The following RBM33 variants were observed in gnomAD, a reference collection of about 807,000 sequenced individuals.
RBM33 encodes the protein RNA binding motif protein 33.
Under a neutral mutation model 132.6 loss-of-function variants are expected in RBM33, and 28 were observed. That is an observed-to-expected ratio of 0.21 (90% CI 0.16 to 0.29). The LOEUF (loss-of-function observed/expected upper bound fraction) is 0.29, where lower values mean the gene tolerates loss of function less well. Ranked by LOEUF, RBM33 falls within the 10% of genes least tolerant of loss-of-function variation. RBM33 has a pLI of 1.00. For missense variants in RBM33, 1,291 were observed against 1,518.5 expected (o/e 0.85, Z 2.49); for synonymous variants, 634 against 593.0 (o/e 1.07, Z -1.01).
At chr7:155,664,224 T>C (rs6459857) in intron 1 of RBM33, among the ~76,000 whole-genome samples, 119,266 of 151,720 alleles carry the variant, frequency 0.79, 47,509 homozygotes, top group African/African-American at 0.91. Context: ...TGAGTACACA[T>C]TATGACTTAT....
intron 3 of RBM33, among the ~76,000 whole-genome samples, chr7:155,673,403 TGTGTGTGTG>T (rs1307980799): frequency 1.4e-3 from 5 of 3,540 alleles, no homozygotes; most frequent in Non-Finnish European, 2.7e-3. Flanking sequence ...TTATATATAT[TGTGTGTGTG>T]TGTGTGTGTG....
Position 155,738,115 on chromosome 7 carries a change from TCCA to T in RBM33, c.1458_1460del (p.Pro489del), listed in dbSNP as rs1801188555. On this transcript the variant is annotated inframe_deletion, in exon 11 of 18. Transcript: ENST00000401878. ...TTTTTCTGGAACAGCGAAGTCCCCC[TCCA>T]CCACCACCGCCTCCTACCCTTCTTA... 6.2e-7 allele frequency: 1 copy of T among 1,613,668 alleles called. No individual in the cohort carries two copies. The highest frequency in any genetic ancestry group is 1.7e-5 in the Admixed American group (1 of 59,982).
intron 4 of RBM33, among the ~76,000 whole-genome samples, chr7:155,679,687 A>C (rs963448779): frequency 1.3e-5 from 2 of 152,256 alleles, no homozygotes; most frequent in Non-Finnish European, 2.9e-5. Flanking sequence ...TTATTCTACC[A>C]GTCAGATAAA....
Position 155,757,427 on chromosome 7 carries a change from G to A in RBM33, c.2980-6385G>A, listed in dbSNP as rs61680007. Among the ~76,000 whole-genome samples, 736 of 152,198 alleles carry A rather than the reference G, an allele frequency of 4.8e-3. 8 individuals are homozygous for A. Among genetic ancestry groups the A allele is most frequent in the African/African-American group, 0.017 (693 of 41,526 alleles). The stretch of plus-strand genomic sequence containing the variant: ...TTTTACTTATGTTCAAGCCTTCATT[G>A]CTTAGCATGATCTTCAGAAAAATTC... On this transcript the variant is annotated intron_variant, in intron 14 of 17. Transcript: ENST00000401878.
chr7:155,685,607 C>G (rs187116405), intron 5 of RBM33, among the ~76,000 whole-genome samples: 2 of 152,212 alleles, frequency 1.3e-5, no homozygotes, highest in Admixed American at 1.3e-4. Flanking sequence ...GGTTCGTGGT[C>G]GACGAGGCTT....
intron 12 of RBM33, among the ~76,000 whole-genome samples, chr7:155,741,196 G>A (rs919330243): frequency 2.0e-5 from 3 of 152,058 alleles, no homozygotes; most frequent in Non-Finnish European, 4.4e-5. Flanking sequence ...TTGACCTGCG[G>A]GACCTCGGAG....
intron 3 of RBM33, among the ~76,000 whole-genome samples, chr7:155,674,561 A>T (rs190669058): frequency 1.3e-5 from 2 of 152,348 alleles, no homozygotes; most frequent in East Asian, 3.9e-4. Context: ...GAAAGCTGTG[A>T]TAATTCCCTT....
chr7:155,665,228 A>G lies in RBM33; in HGVS notation c.97A>G (p.Arg33Gly). Residue 33 changes from arginine to glycine, a missense_variant, in exon 2 of 18, where the codon AGA (arginine) becomes GGA (glycine). Physicochemically the swap from Arg to Gly is moderately radical, Grantham distance 125. Around this residue, in one of 7 missense-constraint regions of RBM33, gnomAD observed 194 missense variants for 249.8 expected, o/e 0.78. Transcript: ENST00000401878. ...TGGCGCGGAACGGTCGTGGAGAAGAAGAGCTGCTGATGAGGACTGGGACAG... is the reference window on the plus strand; with the variant it reads ...TGGCGCGGAACGGTCGTGGAGAAGAGGAGCTGCTGATGAGGACTGGGACAG... ...KPGAERSWRR[R>G]AADEDWDSEL... 1 of 1,613,454 alleles carries G rather than the reference A, an allele frequency of 6.2e-7. No homozygotes were observed. The highest frequency in any genetic ancestry group is 1.1e-5 in the South Asian group (1 of 91,080).
chr7:155,763,781 G>A (rs1326966674), intron 14 of RBM33, 31 bp from the exon 15 acceptor site: 2 of 1,586,558 alleles, frequency 1.3e-6, no homozygotes, highest in South Asian at 1.2e-5. Flanking sequence ...AGCAGACACT[G>A]AACAACGTGC....
At chr7:155,669,645 C>T (rs1798893386) in intron 2 of RBM33, among the ~76,000 whole-genome samples, 1 of 152,180 alleles carries the variant, frequency 6.6e-6, no homozygotes. Context: ...AATCATCATG[C>T]CTGGCCCAAA....
rs768821327 is a variant in RBM33, at chr7:155,764,012, G to A, written c.3180G>A (p.Ala1060=). 1.5e-5 allele frequency: 23 copies of A among 1,542,122 alleles called. No individual in the cohort carries two copies. In the South Asian group the frequency reaches 2.0e-4, roughly 13 times the overall value. The change falls in exon 15 of 18, where the codon GCG becomes GCA. Residue 1060 remains alanine, a synonymous_variant. Transcript: ENST00000401878. ...AAAGCATCCAAGGAATTCACCCGGC[G>A]AAGAAGGTACTGCTTGTTGCCTCGC... ...GIKSIQGIHP[A]KKAIMHGRGR...
intron 9 of RBM33, among the ~76,000 whole-genome samples, chr7:155,722,332 C>A (rs999491930): frequency 6.6e-6 from 1 of 152,154 alleles, no homozygotes; most frequent in Non-Finnish European, 1.5e-5. Flanking sequence ...CATTTTTGTT[C>A]ATGTCAGGAA....
In RBM33 at chr7:155,741,921, G is replaced by T. The variant is rs148804732; in HGVS notation, c.2152G>T (p.Val718Leu). 1.2e-6 allele frequency: 2 copies of T among 1,614,046 alleles called. No individual in the cohort carries two copies. Among genetic ancestry groups the T allele is most frequent in the African/African-American group, 1.3e-5 (1 of 75,056 alleles). Residue 718 changes from valine to leucine, a missense_variant, in exon 13 of 18, where the codon GTG becomes TTG. By Grantham distance (32) the Val-to-Leu change is conservative. Transcript: ENST00000401878. The part of the protein sequence containing the change: ...LRELPIAPSH[V>L]IEMSSSRCSA... ...TGAATTACCCATAGCGCCGTCACAC[G>T]TGATAGAAATGAGCAGCAGCCGCTG...
chr7:155,662,743 G>C (rs936580829), intron 1 of RBM33, among the ~76,000 whole-genome samples: 1 of 152,134 alleles, frequency 6.6e-6, no homozygotes, highest in African/African-American at 2.4e-5. Context: ...TGGGACCTGA[G>C]TGGAAGAAAG....
intron 1 of RBM33, among the ~76,000 whole-genome samples, chr7:155,655,534 CTTTTTTTT>C (rs756948005): frequency 5.0e-5 from 4 of 80,114 alleles, no homozygotes; most frequent in African/African-American, 1.0e-4. Context: ...GGCTGTTTGC[CTTTTTTTT>C]TTTTTTTTTT....
At position 155,706,966 on chromosome 7, in the gene RBM33, G is replaced by A. The variant is rs1388652004; in HGVS notation, c.846G>A (p.Pro282=). The A allele has an allele frequency of 3.1e-6, 5 of 1,600,134 alleles. No homozygotes were observed. The highest frequency in any genetic ancestry group is 2.3e-5 in the South Asian group (2 of 88,054). ...SSRRGGRRGG[P]LMCRGVGDQR... is the part of the protein sequence containing the mutation. ...GGCGGGGAGGACGGCGAGGAGGTCC[G>A]CTGATGTGTCGTGGTGTGGGGGACC... The change falls in exon 7 of 18, where the codon CCG becomes CCA. Residue 282 remains proline, a synonymous_variant. Coordinates refer to ENST00000401878, the MANE Select transcript of RBM33 (RefSeq NM_053043.3).
chr7:155,757,207 C>T (rs1801879578), intron 14 of RBM33, among the ~76,000 whole-genome samples: 1 of 152,068 alleles, frequency 6.6e-6, no homozygotes, highest in African/African-American at 2.4e-5. Flanking sequence ...AGTTGTTCAC[C>T]TGATCCAAAC....
At chr7:155,733,260 C>T in intron 9 of RBM33, among the ~76,000 whole-genome samples, 1 of 152,262 alleles carries the variant, frequency 6.6e-6, no homozygotes, top group East Asian at 1.9e-4. Flanking sequence ...ATGTCTAAGT[C>T]AGGGAAAAGT....
chr7:155,662,087 G>A (rs192608083), intron 1 of RBM33, among the ~76,000 whole-genome samples: 117 of 151,966 alleles, frequency 7.7e-4, no homozygotes, highest in Middle Eastern at 6.8e-3. Context: ...TCACCCCTCC[G>A]CCGAAGCTTC....
Sources: allele counts gnomAD v4.1 joint callset (sites outside exome capture counted in the v4.1 genomes callset), GRCh38; gene constraint gnomAD v4.1.1; regional missense constraint gnomAD v4.1.1; transcripts MANE v1.5; gene names NCBI Gene and HGNC (gene_info 2026-07-23, HGNC 2026-07-21).